Variants in ARHGAP8 observed in about 807,000 individuals in gnomAD.
The protein encoded by ARHGAP8 is rho GTPase-activating protein 8.
In ARHGAP8, 62 loss-of-function variants were observed where a neutral mutation model predicts 46.1. That is an observed-to-expected ratio of 1.34 (90% CI 1.10 to 1.66). ARHGAP8 has a LOEUF of 1.66. Among genes scored for constraint, ARHGAP8 ranks in the 40% most tolerant of loss-of-function variants. ARHGAP8 has a pLI of 0.00. For synonymous variants in ARHGAP8, 375 were observed against 243.1 expected, an observed-to-expected ratio of 1.54 and a Z score of -5.05; for missense variants, 923 against 568.4, an observed-to-expected ratio of 1.62 and a Z score of -6.34.
chr22:44,859,757 G>T lies in ARHGAP8; in HGVS notation c.904G>T (p.Gly302Cys), dbSNP rs6007344. 4.0e-5 allele frequency: 65 copies of T among 1,613,644 alleles called. No individual in the cohort carries two copies. The highest frequency in any genetic ancestry group is 1.2e-4 in the South Asian group (11 of 91,082). Residue 302 changes from glycine to cysteine, a missense_variant, in exon 11 of 12, where the codon GGC becomes TGC. Transcript: ENST00000356099. Reference sequence around the variant, plus strand: ...TGTGGAGAGCAGCCTGCGTGTCACTGGCTGCCGCCAGATCTTACGGAGCCT... The same window carrying T: ...TGTGGAGAGCAGCCTGCGTGTCACTTGCTGCCGCCAGATCTTACGGAGCCT... Reference protein sequence around the residue: ...TCVESSLRVTGCRQILRSLPE... With the variant: ...TCVESSLRVTCCRQILRSLPE...
intron 1 of ARHGAP8, among the ~76,000 whole-genome samples, chr22:44,778,802 G>A (rs1481790510): frequency 2.6e-5 from 4 of 152,056 alleles, no homozygotes; most frequent in Admixed American, 6.6e-5. Flanking sequence ...CAGAAATAAC[G>A]GCCTCACCCT....
chr22:44,816,580 A>T (rs2285114), intron 5 of ARHGAP8, among the ~76,000 whole-genome samples: 10,167 of 152,164 alleles, frequency 0.067, 534 homozygotes, highest in East Asian at 0.31. Flanking sequence ...TGGGAGGCCA[A>T]GGCAGGAGGA....
intron 7 of ARHGAP8, among the ~76,000 whole-genome samples, chr22:44,829,906 C>G (rs953696133): frequency 6.6e-6 from 1 of 152,126 alleles, no homozygotes; most frequent in African/African-American, 2.4e-5. Context: ...AAAATGGAAA[C>G]CTGAGGCCTG....
chr22:44,760,970 C>T (rs530891746), intron 1 of ARHGAP8, among the ~76,000 whole-genome samples: 1 of 152,130 alleles, frequency 6.6e-6, no homozygotes, highest in Non-Finnish European at 1.5e-5. Context: ...GCGAGGCAGG[C>T]TTTGGGGGAT....
At chr22:44,825,722 T>G in intron 7 of ARHGAP8, 129 bp downstream of exon 7, 1 of 1,170,620 alleles carries the variant, frequency 8.5e-7, no homozygotes, top group Non-Finnish European at 1.2e-6. Context: ...GCAGGAAAGA[T>G]AAAGCCTGAG....
In ARHGAP8 at chr22:44,814,795, G is replaced by A. The variant is rs201113700; in HGVS notation, c.386+37G>A. On this transcript the variant is annotated intron_variant, in intron 5 of 11. Coordinates refer to ENST00000356099, the MANE Select transcript of ARHGAP8 (RefSeq NM_181335.3). Reference sequence around the variant, plus strand: ...TCTGGGAGAGGACCTCGCTGGGGTTGGAGGTTTCACCCCTCAGGGTCCATG... The same window carrying A: ...TCTGGGAGAGGACCTCGCTGGGGTTAGAGGTTTCACCCCTCAGGGTCCATG... 7.5e-6 allele frequency: 12 copies of A among 1,609,132 alleles called. 1 individual carries two copies. Among genetic ancestry groups the A allele is most frequent in the Middle Eastern group, 1.7e-4 (1 of 6,020 alleles).
At chr22:44,812,265 G>A (rs1929386936) in intron 4 of ARHGAP8, among the ~76,000 whole-genome samples, 1 of 151,918 alleles carries the variant, frequency 6.6e-6, no homozygotes, top group Admixed American at 6.6e-5. Context: ...GGTGAACCTT[G>A]CAGCAGCTGC....
rs568551486 is a variant in ARHGAP8 at position 44,792,163 on chromosome 22, C to G, written c.79+5557C>G. ...AGTAGCTGAGATTACAGGCACCCAC[C>G]ACCACGCCTGGCTAATTTTTGTATT... On this transcript the variant is annotated intron_variant, in intron 2 of 11. Transcript: ENST00000356099. 3.3e-5 allele frequency among the ~76,000 whole-genome samples: 5 copies of G among 152,186 alleles called. No individual in the cohort carries two copies. The South Asian group carries it at 1.0e-3, about 32-fold the overall frequency.
chr22:44,766,307 GT>G (rs1258324533), intron 1 of ARHGAP8: 1 of 153,160 alleles, frequency 6.5e-6, no homozygotes, highest in African/African-American at 2.4e-5. Flanking sequence ...GGAATCAGTT[GT>G]CTATACTGGA....
At chr22:44,824,629 CTTTTCT>C (rs1273804204) in intron 6 of ARHGAP8, among the ~76,000 whole-genome samples, 36 of 108,824 alleles carry the variant, frequency 3.3e-4, no homozygotes, top group African/African-American at 1.2e-3. Context: ...CTTTCTTCTT[CTTTTCT>C]TTTTTTTTTT....
At chr22:44,858,065 A>G (rs913656002) in intron 10 of ARHGAP8, among the ~76,000 whole-genome samples, 3 of 152,064 alleles carry the variant, frequency 2.0e-5, no homozygotes, top group Non-Finnish European at 4.4e-5. Context: ...ACTCATTTCA[A>G]GGGAATTCCT....
At chr22:44,851,103 C>T (rs1390251470) in intron 10 of ARHGAP8, 1 of 152,200 alleles carries the variant, frequency 6.6e-6, no homozygotes, top group Non-Finnish European at 1.5e-5. Context: ...CTACCTCTGC[C>T]TCCCAGTCCC....
At chr22:44,775,711 A>T (rs1168680877) in intron 1 of ARHGAP8, among the ~76,000 whole-genome samples, 1 of 152,102 alleles carries the variant, frequency 6.6e-6, no homozygotes, top group Non-Finnish European at 1.5e-5. Context: ...CGGCCTCCCA[A>T]AGTGCTAAGA....
intron 7 of ARHGAP8, among the ~76,000 whole-genome samples, chr22:44,836,500 G>A (rs191331506): frequency 6.6e-6 from 1 of 151,806 alleles, no homozygotes; most frequent in East Asian, 1.9e-4. Flanking sequence ...AAAAATGGGG[G>A]CACAGTGATG....
In ARHGAP8 at chr22:44,862,358, G is replaced by T. The variant is rs772871377; in HGVS notation, c.1065G>T (p.Gln355His). 2 of 1,614,014 alleles carry T rather than the reference G, an allele frequency of 1.2e-6. No homozygotes were observed. Among genetic ancestry groups the T allele is most frequent in the African/African-American group, 2.7e-5 (2 of 74,932 alleles). ...VFGLNLIWPS[Q>H]GVSSLSALVP... ...GGCTGAATTTGATCTGGCCATCCCA[G>T]GGGGTCTCCTCCCTGAGTGCCCTTG... The change falls in exon 12 of 12, where the codon CAG (glutamine) becomes CAT (histidine). Residue 355 changes from glutamine to histidine, a missense_variant. Physicochemically the swap from Gln to His is conservative, Grantham distance 24. Coordinates refer to ENST00000356099, the MANE Select transcript of ARHGAP8 (RefSeq NM_181335.3).
At chr22:44,839,598 T>G (rs1931519532) in intron 7 of ARHGAP8, among the ~76,000 whole-genome samples, 1 of 152,132 alleles carries the variant, frequency 6.6e-6, no homozygotes, top group African/African-American at 2.4e-5. Flanking sequence ...GTGCCACCTC[T>G]CAATTGTGGG....
chr22:44,791,023 G>A lies in ARHGAP8; in HGVS notation c.79+4417G>A, dbSNP rs138337498. On this transcript the variant is annotated intron_variant, in intron 2 of 11. Coordinates refer to ENST00000356099, the MANE Select transcript of ARHGAP8 (RefSeq NM_181335.3). ...GCCAGGATTACAGGCGTGAGCCACC[G>A]CACCTGGAACTTGGCCTTCTTCTTC... Among the ~76,000 whole-genome samples, 14 of 152,120 alleles carry A rather than the reference G, an allele frequency of 9.2e-5. No homozygotes were observed. The East Asian group carries it at 2.2e-3, about 23-fold the overall frequency.
rs112352620 is a variant in ARHGAP8 at position 44,854,012 on chromosome 22, G to A, written c.877+4952G>A. On this transcript the variant is annotated intron_variant, in intron 10 of 11. Coordinates refer to ENST00000356099, the MANE Select transcript of ARHGAP8 (RefSeq NM_181335.3). ...ATTGCACTCCAGCCTGGGACACAGC[G>A]AGACTCTGTCTCAAAAAAAAAAAAA... Among the ~76,000 whole-genome samples the A allele has an allele frequency of 7.7e-4, 86 of 111,242 alleles. 1 individual carries two copies. The highest frequency in any genetic ancestry group is 0.012 in the Middle Eastern group (1 of 84). The allele number at this position is 111,242 out of a possible 152,430, so 73.0% of individuals were successfully genotyped here. A position where few individuals can be genotyped will look rare whatever the true frequency, so the allele number is the denominator to read the frequency against.
chr22:44,779,028 A>T lies in ARHGAP8; in HGVS notation c.-71-7429A>T, dbSNP rs570983779. 1.3e-4 allele frequency among the ~76,000 whole-genome samples: 20 copies of T among 152,098 alleles called. No homozygotes were observed. In the South Asian group the frequency reaches 3.5e-3, roughly 27 times the overall value. On this transcript the variant is annotated intron_variant, in intron 1 of 11. Coordinates refer to ENST00000356099, the MANE Select transcript of ARHGAP8 (RefSeq NM_181335.3). The stretch of plus-strand genomic sequence containing the variant: ...AAACACACCCACAAATAGATCAGGA[A>T]TCTTGGAATGGATACGTAACGAAAA...
Sources: gnomAD v4.1 joint callset for allele counts (sites outside exome capture counted in the v4.1 genomes callset) on GRCh38, gnomAD v4.1.1 for gene constraint, MANE v1.5 for transcripts, NCBI Gene and HGNC (gene_info 2026-07-23, HGNC 2026-07-21) for gene names.